The following DTNA variants were observed in gnomAD, a reference collection of about 807,000 sequenced individuals.
DTNA encodes dystrophin-related protein 3.
DTNA carries 43 observed loss-of-function variants against 100.7 expected under a neutral mutation model. The ratio of observed to expected loss-of-function variants is 0.43; its 90% CI spans 0.33 to 0.55. The LOEUF (loss-of-function observed/expected upper bound fraction) is 0.55, where lower values mean the gene tolerates loss of function less well. Ranked by LOEUF, DTNA falls within the 20% of genes least tolerant of loss-of-function variation. The pLI is 0.04. For missense variants in DTNA, 798 were observed against 953.9 expected, an observed-to-expected ratio of 0.84 and a Z score of 2.15; for synonymous variants, 349 against 347.9, an observed-to-expected ratio of 1.00 and a Z score of -0.04.
At chr18:34,742,617 T>A (rs1380634522) in intron 1 of DTNA, among the ~76,000 whole-genome samples, 1 of 18,472 alleles carries the variant, frequency 5.4e-5, no homozygotes, top group Non-Finnish European at 1.1e-4. Context: ...GATGTGGACA[T>A]CTCTGATTAT....
chr18:34,858,113 A>G (rs925328181), intron 15 of DTNA, among the ~76,000 whole-genome samples, 172 bp from the exon 16 acceptor site: 1 of 152,176 alleles, frequency 6.6e-6, no homozygotes, highest in Non-Finnish European at 1.5e-5. Context: ...CCATCTAGCT[A>G]TAGTCAAAGC....
rs148569223 is a variant in DTNA, at chr18:34,601,013, G to C, written c.-2+107499G>C. The stretch of plus-strand genomic sequence containing the variant: ...GGAAGTATAATATGATCCTACCATT[G>C]GCCTAGAACAGGTGAGCCCCAGTAC... On this transcript the variant is annotated intron_variant, in intron 1 of 19. Coordinates refer to the DTNA transcript ENST00000283365. Among the ~76,000 whole-genome samples the C allele has an allele frequency of 3.3e-5, 5 of 152,302 alleles. No homozygotes were observed. In the East Asian group the frequency reaches 9.7e-4, roughly 30 times the overall value.
chr18:34,599,853 A>AT (rs1336856693), intron 1 of DTNA, among the ~76,000 whole-genome samples: 2 of 152,092 alleles, frequency 1.3e-5, no homozygotes, highest in Non-Finnish European at 2.9e-5. Context: ...AATTTTTTGT[A>AT]TTTTTAGTAG....
chr18:34,721,702 A>G (rs1462473475), intron 1 of DTNA, among the ~76,000 whole-genome samples: 1 of 152,236 alleles, frequency 6.6e-6, no homozygotes, highest in African/African-American at 2.4e-5. Flanking sequence ...TCTCATATCC[A>G]TGCAACACCC....
chr18:34,555,994 TG>T (rs1345380451), intron 1 of DTNA, among the ~76,000 whole-genome samples: 1 of 150,094 alleles, frequency 6.7e-6, no homozygotes, highest in Non-Finnish European at 1.5e-5. Context: ...ATTATTAATG[TG>T]TGGGAGTCTA....
At position 34,838,770 on chromosome 18, in the gene DTNA, G is replaced by A; in HGVS notation, c.1279G>A (p.Asp427Asn). 6.2e-7 allele frequency: 1 copy of A among 1,613,714 alleles called. No homozygotes were observed. The highest frequency in any genetic ancestry group is 8.5e-7 in the Non-Finnish European group (1 of 1,179,742). Reference sequence around the variant, plus strand: ...GATACAGTACAGCCTGAATGTGGCAGACAGGCTAGCTGATGAACATGTTCT... The same window carrying A: ...GATACAGTACAGCCTGAATGTGGCAAACAGGCTAGCTGATGAACATGTTCT... ...KGIQYSLNVA[D>N]RLADEHVLIG... Residue 427 changes from aspartate to asparagine, a missense_variant, in exon 13 of 23, where the codon GAC becomes AAC. Asp to Asn is a conservative substitution (Grantham distance 23). This residue lies in a region of DTNA where 159 missense variants were observed against 201.2 expected (regional missense o/e 0.79). Coordinates refer to ENST00000444659, the MANE Select transcript of DTNA (RefSeq NM_001386795.1).
intron 1 of DTNA, among the ~76,000 whole-genome samples, chr18:34,568,835 G>C (rs28533610): frequency 0.01 from 1,573 of 152,246 alleles, 23 homozygotes; most frequent in African/African-American, 0.036. Context: ...TGTTGGCCAG[G>C]CTGGTCTCAA....
chr18:34,643,462 A>G (rs2059515958), intron 1 of DTNA, among the ~76,000 whole-genome samples: 1 of 152,252 alleles, frequency 6.6e-6, no homozygotes, highest in Non-Finnish European at 1.5e-5. Flanking sequence ...TGACAAAAGA[A>G]TCATAAGCAA....
rs545061792 is a variant in DTNA at position 34,602,708 on chromosome 18, C to A, written c.-2+109194C>A. Among the ~76,000 whole-genome samples, 133 of 151,124 alleles carry A rather than the reference C, an allele frequency of 8.8e-4. 1 individual carries two copies. The South Asian group carries it at 0.025, about 28-fold the overall frequency. On this transcript the variant is annotated intron_variant, in intron 1 of 19. Transcript: ENST00000283365. Reference sequence around the variant, plus strand: ...GAGAGCCTGTCTCTACAAAAAAAAACAAACAAACAAACAAAAAAAGAGGCC... The same window carrying A: ...GAGAGCCTGTCTCTACAAAAAAAAAAAAACAAACAAACAAAAAAAGAGGCC...
intron 1 of DTNA, among the ~76,000 whole-genome samples, chr18:34,661,199 A>G (rs1476005913): frequency 2.0e-5 from 3 of 152,222 alleles, no homozygotes; most frequent in South Asian, 2.1e-4. Context: ...AAAGAATATG[A>G]GATGCTCTCC....
chr18:34,837,918 T>A (rs903598616), intron 11 of DTNA, among the ~76,000 whole-genome samples, 176 bp from the exon 12 acceptor site: 1 of 152,242 alleles, frequency 6.6e-6, no homozygotes, highest in Non-Finnish European at 1.5e-5. Context: ...CAGGCTGGGT[T>A]TCTATTCCTA....
intron 1 of DTNA, among the ~76,000 whole-genome samples, chr18:34,745,072 G>C (rs1729675870): frequency 6.6e-6 from 1 of 152,060 alleles, no homozygotes; most frequent in Non-Finnish European, 1.5e-5. Context: ...ATAGTACTCG[G>C]AACATAGTAA....
intron 1 of DTNA, among the ~76,000 whole-genome samples, chr18:34,751,451 C>A (rs925000487): frequency 6.6e-6 from 1 of 151,008 alleles, no homozygotes; most frequent in Non-Finnish European, 1.5e-5. Context: ...TGGCATCTAG[C>A]GTCGATTGGA....
intron 1 of DTNA, among the ~76,000 whole-genome samples, chr18:34,529,559 A>C (rs796103814): frequency 6.6e-6 from 1 of 152,158 alleles, no homozygotes; most frequent in East Asian, 1.9e-4. Flanking sequence ...GAGAATAACA[A>C]ACAAATCAGT....
chr18:34,645,833 G>A (rs1279597009), intron 1 of DTNA, among the ~76,000 whole-genome samples: 5 of 152,050 alleles, frequency 3.3e-5, no homozygotes, highest in Admixed American at 6.5e-5. Context: ...TCTTTAACTC[G>A]TTTTCTAGTT....
At chr18:34,646,613 C>T (rs1391865310) in intron 1 of DTNA, among the ~76,000 whole-genome samples, 1 of 152,198 alleles carries the variant, frequency 6.6e-6, no homozygotes, top group Non-Finnish European at 1.5e-5. Flanking sequence ...TACAGTGCTA[C>T]AAATTTTTTA....
intron 1 of DTNA, among the ~76,000 whole-genome samples, chr18:34,523,327 C>T (rs2042317019): frequency 6.6e-6 from 1 of 152,060 alleles, no homozygotes; most frequent in African/African-American, 2.4e-5. Flanking sequence ...CTGAAGGTGA[C>T]TATATATGGA....
intron 1 of DTNA, among the ~76,000 whole-genome samples, chr18:34,494,940 T>G (rs1014254385): frequency 6.6e-6 from 1 of 152,186 alleles, no homozygotes; most frequent in African/African-American, 2.4e-5. Context: ...AGGAAAAAAG[T>G]GTTCCACATG....
At chr18:34,493,960 C>T (rs2038865143) in intron 1 of DTNA, 1 of 147,334 alleles carries the variant, frequency 6.8e-6, no homozygotes, top group Admixed American at 6.7e-5. Context: ...GCGCCTCAGG[C>T]CCGCGGGGCG....
Sources: gnomAD v4.1 joint callset for allele counts (sites outside exome capture counted in the v4.1 genomes callset) on GRCh38, gnomAD v4.1.1 for gene constraint, gnomAD v4.1.1 regional missense constraint, MANE v1.5 for transcripts, NCBI Gene and HGNC (gene_info 2026-07-23, HGNC 2026-07-21) for gene names.